The following GRIK1 variants were observed in gnomAD, a reference collection of about 807,000 sequenced individuals.
GRIK1 encodes glutamate ionotropic receptor kainate type subunit 1.
In GRIK1, 69 loss-of-function variants were observed where a neutral mutation model predicts 105.7. The ratio of observed to expected loss-of-function variants is 0.65; its 90% CI spans 0.54 to 0.80. The LOEUF (loss-of-function observed/expected upper bound fraction) is 0.80, where lower values mean the gene tolerates loss of function less well. Ranked by LOEUF, GRIK1 falls within the 30% of genes least tolerant of loss-of-function variation. The probability of loss-of-function intolerance (pLI) is 0.00; values close to 1 mark genes in which losing one functional copy is unlikely to be tolerated. For synonymous variants in GRIK1, 438 were observed against 431.3 expected, an observed-to-expected ratio of 1.02 and a Z score of -0.19; for missense variants, 1,109 against 1,167.3, an observed-to-expected ratio of 0.95 and a Z score of 0.73.
In GRIK1 at chr21:29,586,879, T is replaced by C. The variant is rs921271800; in HGVS notation, c.1793+487A>G. ...CTTTCTCATGCCTTTAAAAATAAATTTAATAGAACTTTTAAAGTATTTTTC... is the reference window on the plus strand; with the variant it reads ...CTTTCTCATGCCTTTAAAAATAAATCTAATAGAACTTTTAAAGTATTTTTC... On this transcript the variant is annotated intron_variant, in intron 12 of 17. Transcript: ENST00000327783. 2.0e-5 allele frequency among the ~76,000 whole-genome samples: 3 copies of C among 152,234 alleles called. No homozygotes were observed. The East Asian group carries it at 5.8e-4, about 29-fold the overall frequency.
At chr21:29,561,482 A>G (rs1214834900) in intron 15 of GRIK1, 142 bp downstream of exon 15, 14 of 623,808 alleles carry the variant, frequency 2.2e-5, no homozygotes, top group Non-Finnish European at 3.2e-5. Flanking sequence ...TCTCTGATCT[A>G]TATGGATGTT....
chr21:29,747,819 C>A (rs891371369), intron 1 of GRIK1, among the ~76,000 whole-genome samples: 17 of 152,140 alleles, frequency 1.1e-4, no homozygotes, highest in Non-Finnish European at 2.2e-4. Context: ...CAGAGCATGA[C>A]TCCATCTCAA....
chr21:29,855,081 A>G (rs1005876616), intron 1 of GRIK1, among the ~76,000 whole-genome samples: 4 of 152,216 alleles, frequency 2.6e-5, no homozygotes, highest in Non-Finnish European at 4.4e-5. Flanking sequence ...CAAGACCTGA[A>G]CTTGGGCTCT....
intron 1 of GRIK1, among the ~76,000 whole-genome samples, chr21:29,868,508 C>G (rs1427921055): frequency 1.3e-5 from 2 of 151,216 alleles, no homozygotes; most frequent in Non-Finnish European, 3.0e-5. Flanking sequence ...CCTTTTTTCT[C>G]TCCCTTCATC....
At chr21:29,593,421 T>C (rs975349143) in intron 9 of GRIK1, among the ~76,000 whole-genome samples, 8 of 152,204 alleles carry the variant, frequency 5.3e-5, no homozygotes, top group African/African-American at 1.9e-4. Flanking sequence ...GACAGCATTT[T>C]CTTCTTTTTC....
intron 1 of GRIK1, among the ~76,000 whole-genome samples, chr21:29,766,074 C>T (rs1418343224): frequency 6.6e-6 from 1 of 152,056 alleles, no homozygotes; most frequent in African/African-American, 2.4e-5. Flanking sequence ...TGGTCTCGAT[C>T]TCCTGACTTC....
intron 1 of GRIK1, among the ~76,000 whole-genome samples, chr21:29,858,725 C>T (rs1166588168): frequency 6.6e-6 from 1 of 152,044 alleles, no homozygotes; most frequent in African/African-American, 2.4e-5. Context: ...TAGCTCTGCT[C>T]AGTGACAGAG....
At chr21:29,826,906 C>T (rs1048874555) in intron 1 of GRIK1, among the ~76,000 whole-genome samples, 1 of 151,994 alleles carries the variant, frequency 6.6e-6, no homozygotes, top group Non-Finnish European at 1.5e-5. Context: ...ACCTAAGCAA[C>T]AAATTCAAAG....
rs1316533186 is a variant in GRIK1, at chr21:29,895,825, G to A, written c.118+43558C>T. Among the ~76,000 whole-genome samples, 4 of 152,162 alleles carry A rather than the reference G, an allele frequency of 2.6e-5. No individual in the cohort carries two copies. In the East Asian group the frequency reaches 7.7e-4, roughly 29 times the overall value. On this transcript the variant is annotated intron_variant, in intron 1 of 17. Transcript: ENST00000327783. ...GGGGAAAGCAGTTTACCTTCTCTTA[G>A]CCTCGGGTTTTCACATACGTGAAAT...
intron 3 of GRIK1, among the ~76,000 whole-genome samples, chr21:29,684,250 ATCTC>A (rs1601445290): frequency 1.5e-5 from 2 of 134,850 alleles, no homozygotes; most frequent in East Asian, 2.1e-4. Context: ...GGAATCTATC[ATCTC>A]TATCTATCTA....
chr21:29,560,361 C>CTTTCTT lies in GRIK1; in HGVS notation c.2356+1257_2356+1262dup, dbSNP rs1568813547. Among the ~76,000 whole-genome samples, 15 of 35,258 alleles carry CTTTCTT rather than the reference C, an allele frequency of 4.3e-4. 1 individual carries two copies. The East Asian group carries it at 5.6e-3, about 13-fold the overall frequency. The allele number at this position is 35,258 out of a possible 152,430, so 23.1% of individuals were successfully genotyped here. ...TTTCTTTCTTTCTTTCTTTCTTTTT[C>CTTTCTT]TTTCTTCCTTCCTTCCTTCCTTCCT... On this transcript the variant is annotated intron_variant, in intron 15 of 17. Transcript: ENST00000327783.
intron 1 of GRIK1, among the ~76,000 whole-genome samples, chr21:29,746,515 C>T (rs2065052457): frequency 6.6e-6 from 1 of 152,230 alleles, no homozygotes; most frequent in Non-Finnish European, 1.5e-5. Context: ...CTCATTTTCT[C>T]TGTCTACACA....
chr21:29,688,975 C>A (rs758632465), intron 3 of GRIK1, among the ~76,000 whole-genome samples: 7 of 152,032 alleles, frequency 4.6e-5, no homozygotes, highest in Non-Finnish European at 7.4e-5. Flanking sequence ...ATGAAAATGG[C>A]TGGATGATGA....
chr21:29,851,862 G>A (rs2068316379), intron 1 of GRIK1, among the ~76,000 whole-genome samples: 1 of 152,168 alleles, frequency 6.6e-6, no homozygotes, highest in South Asian at 2.1e-4. Flanking sequence ...TTCAATACAT[G>A]TTGTTTAGAA....
chr21:29,654,708 C>A (rs1050929741), intron 5 of GRIK1, 102 bp downstream of exon 5: 1 of 756,772 alleles, frequency 1.3e-6, no homozygotes, highest in Non-Finnish European at 2.4e-6. Context: ...GGCAAGTCTC[C>A]ATGACAATAT....
At chr21:29,635,222 A>G (rs963208484) in intron 7 of GRIK1, among the ~76,000 whole-genome samples, 31 of 152,240 alleles carry the variant, frequency 2.0e-4, no homozygotes, top group Non-Finnish European at 3.1e-4. Flanking sequence ...AATGGGTATC[A>G]GGACACCAGA....
intron 9 of GRIK1, chr21:29,595,979 C>G (rs759476598): frequency 1.1e-5 from 2 of 187,096 alleles, no homozygotes; most frequent in Non-Finnish European, 2.2e-5. Flanking sequence ...GGCTCTAAAA[C>G]AAATTGCAAG....
At chr21:29,703,295 C>G (rs1461902737) in intron 1 of GRIK1, among the ~76,000 whole-genome samples, 2 of 152,208 alleles carry the variant, frequency 1.3e-5, no homozygotes, top group African/African-American at 2.4e-5. Flanking sequence ...AGCTGACAAT[C>G]AAGACATGGA....
chr21:29,758,542 T>C (rs55770962), intron 1 of GRIK1, among the ~76,000 whole-genome samples: 6,450 of 152,128 alleles, frequency 0.042, 198 homozygotes, highest in Non-Finnish European at 0.066. Context: ...ATTATGGGAG[T>C]TGCAATTCAA....
Sources: allele counts gnomAD v4.1 joint callset (sites outside exome capture counted in the v4.1 genomes callset), GRCh38; gene constraint gnomAD v4.1.1; transcripts MANE v1.5; gene names NCBI Gene and HGNC (gene_info 2026-07-23, HGNC 2026-07-21).